FGA: variants seen among roughly 807,000 people sequenced by gnomAD.
FGA encodes fibrinogen alpha chain.
FGA carries 20 observed loss-of-function variants against 20.3 expected under a neutral mutation model. That is an observed-to-expected ratio of 0.99 (90% CI 0.69 to 1.43). The LOEUF is 1.43. FGA is among the 40% of genes most tolerant of loss of function. FGA has a pLI of 0.00. For missense variants in FGA, 777 were observed against 784.7 expected, an observed-to-expected ratio of 0.99 and a Z score of 0.12; for synonymous variants, 306 against 281.6, an observed-to-expected ratio of 1.09 and a Z score of -0.87.
At chr4:154,584,823 A>G, downstream of FGA, 6 of 1,612,150 alleles carry the variant, frequency 3.7e-6, no homozygotes, top group Non-Finnish European at 5.1e-6. Context: ...TTTGGAGGAC[A>G]TCATCACAGT....
At chr4:154,588,597 G>A (rs941599417) in intron 3 of FGA, among the ~76,000 whole-genome samples, 196 bp downstream of exon 3, 1 of 152,052 alleles carries the variant, frequency 6.6e-6, no homozygotes, top group Non-Finnish European at 1.5e-5. Context: ...AACAATCTCA[G>A]TTAACATCTT....
chr4:154,587,444 A>G lies in FGA; in HGVS notation c.510+68T>C, dbSNP rs556700343. 1.4e-5 allele frequency: 20 copies of G among 1,402,418 alleles called. No individual in the cohort carries two copies. The East Asian group carries it at 3.4e-4, about 24-fold the overall frequency. 86.9% of individuals were successfully genotyped at this position (1,402,418 alleles called of 1,614,324 possible). On this transcript the variant is annotated intron_variant, in intron 4 of 4. Coordinates refer to ENST00000403106, the MANE Select transcript of FGA (RefSeq NM_021871.4). The stretch of plus-strand genomic sequence containing the variant: ...TCTGCATATAGTAGACACTCAGTGC[A>G]TAACTATCGCCTTCCTTTTCCCTCT...
In FGA at chr4:154,585,846, G is replaced by C; in HGVS notation, c.1583C>G (p.Thr528Arg). ...AFFDTASTGKTFPGFFSPMLG... is the reference protein window; with the variant it reads ...AFFDTASTGKRFPGFFSPMLG... Reference sequence around the variant, plus strand: ...CATAGGTGAGAAGAAACCTGGGAATGTTTTTCCAGTTGAGGCAGTGTCGAA... The same window carrying C: ...CATAGGTGAGAAGAAACCTGGGAATCTTTTTCCAGTTGAGGCAGTGTCGAA... The change falls in exon 5 of 5, where the codon ACA becomes AGA. Residue 528 changes from threonine (T) to arginine (R), a missense_variant. Transcript: ENST00000403106. 3.1e-6 allele frequency: 5 copies of C among 1,614,156 alleles called. No homozygotes were observed. Among genetic ancestry groups the C allele is most frequent in the Non-Finnish European group, 4.2e-6 (5 of 1,180,004 alleles).
At chr4:154,587,776 A>AAAGAAAGAAAGAAAG (rs2110815942) in intron 3 of FGA, 119 bp from the exon 4 acceptor site, 1 of 701,326 alleles carries the variant, frequency 1.4e-6, no homozygotes, top group African/African-American at 1.8e-5. Context: ...AGAAAGAAAG[A>AAAGAAAGAAAGAAAG]AAGAAAGAAA....
intron 1 of FGA, among the ~76,000 whole-genome samples, 181 bp from the exon 2 acceptor site, chr4:154,589,743 A>C (rs548892802): frequency 6.6e-6 from 1 of 152,194 alleles, no homozygotes; most frequent in African/African-American, 2.4e-5. Context: ...CCTAGGACCC[A>C]TTTTATGGAG....
downstream of FGA, chr4:154,584,630 G>C: frequency 6.2e-7 from 1 of 1,614,146 alleles, no homozygotes. Context: ...TCGTCATTCA[G>C]GCTGCCGAAA....
chr4:154,584,622 G>C (rs148411201), downstream of FGA: 5 of 1,614,100 alleles, frequency 3.1e-6, no homozygotes, highest in Admixed American at 8.3e-5. Flanking sequence ...CTTCCCCCTC[G>C]TCATTCAGGC....
At position 154,585,777 on chromosome 4, in the gene FGA, G is replaced by C. The variant is rs1730692895; in HGVS notation, c.1652C>G (p.Ser551Cys). The change falls in exon 5 of 5, where the codon TCT becomes TGT. Residue 551 changes from serine (S) to cysteine (C), a missense_variant. Transcript: ENST00000403106. Reference sequence around the variant, plus strand: ...TTCCTTTGTATTTGTGAAGATGCCAGATTCTGAGCCCCTAGACTCAGTCTC... The same window carrying C: ...TTCCTTTGTATTTGTGAAGATGCCACATTCTGAGCCCCTAGACTCAGTCTC... The part of the protein sequence containing the change: ...VSETESRGSE[S>C]GIFTNTKESS... 6.2e-7 allele frequency: 1 copy of C among 1,614,044 alleles called. No individual in the cohort carries two copies. The highest frequency in any genetic ancestry group is 1.3e-5 in the African/African-American group (1 of 74,920).
chr4:154,583,528 AG>A (rs1257500825), downstream of FGA: 1 of 152,306 alleles, frequency 6.6e-6, no homozygotes, highest in East Asian at 1.9e-4. Context: ...TACAACGTCT[AG>A]TGGAAGAGTT....
At chr4:154,584,644 C>T (rs779930407), downstream of FGA, 3 of 1,614,046 alleles carry the variant, frequency 1.9e-6, no homozygotes, top group South Asian at 2.2e-5. Flanking sequence ...GCCGAAACCT[C>T]TCTTGTAGTC....
chr4:154,589,948 A>G (rs1370690579), intron 1 of FGA, among the ~76,000 whole-genome samples: 1 of 152,242 alleles, frequency 6.6e-6, no homozygotes, highest in Non-Finnish European at 1.5e-5. Context: ...AAACTACTGT[A>G]GAGCTCTTTC....
At chr4:154,584,952 C>T (rs1730672033), downstream of FGA, 1 of 853,406 alleles carries the variant, frequency 1.2e-6, no homozygotes, top group Non-Finnish European at 1.9e-6. Context: ...TTTCTTCCTC[C>T]TTTCCTTCCC....
intron 3 of FGA, among the ~76,000 whole-genome samples, chr4:154,588,393 A>C (rs1288730471): frequency 6.6e-6 from 1 of 152,164 alleles, no homozygotes; most frequent in Non-Finnish European, 1.5e-5. Context: ...AGCTCAGTGG[A>C]GTCTGGGAGT....
downstream of FGA, chr4:154,583,876 G>A: frequency 8.2e-6 from 4 of 488,668 alleles, no homozygotes; most frequent in Non-Finnish European, 1.5e-5. Flanking sequence ...TGTACTGAAT[G>A]GCCCTTGGTA....
chr4:154,584,745 A>C (rs375829433), downstream of FGA: 137 of 1,614,052 alleles, frequency 8.5e-5, no homozygotes, highest in Non-Finnish European at 1.1e-4. Context: ...CGCAATAAAC[A>C]GAAAAAATCT....
chr4:154,587,403 G>A, intron 4 of FGA, 109 bp downstream of exon 4: 1 of 1,023,674 alleles, frequency 9.8e-7, no homozygotes. Flanking sequence ...GGTAGATGAT[G>A]GATATAACAC....
rs1730682574 is a variant in FGA, at chr4:154,585,490, T to C, written c.*4A>G. 1 of 1,545,846 alleles carries C rather than the reference T, an allele frequency of 6.5e-7. No individual in the cohort carries two copies. Among genetic ancestry groups the C allele is most frequent in the Non-Finnish European group, 8.9e-7 (1 of 1,118,336 alleles). ...GAACACTGTGCAGAAATATTTAACT[T>C]AGTCTAGGGGGACAGGGAAGGCTTC... On this transcript the variant is annotated 3_prime_UTR_variant, in exon 5 of 5. Transcript: ENST00000403106.
chr4:154,590,591 A>T (rs1560828518), intron 1 of FGA, 43 bp downstream of exon 1: 1 of 1,486,222 alleles, frequency 6.7e-7, no homozygotes, highest in Admixed American at 2.0e-5. Context: ...TGTGGAATAA[A>T]CACCAGAGAG....
downstream of FGA, chr4:154,584,767 G>A (rs1303104029): frequency 6.8e-6 from 11 of 1,613,884 alleles, no homozygotes; most frequent in African/African-American, 1.3e-5. Flanking sequence ...ACTGGATCCC[G>A]GTAGCTTGAT....
Sources: allele counts gnomAD v4.1 joint callset (sites outside exome capture counted in the v4.1 genomes callset), GRCh38; gene constraint gnomAD v4.1.1; transcripts MANE v1.5; gene names NCBI Gene and HGNC (gene_info 2026-07-23, HGNC 2026-07-21).